Variants in OCA2 observed in about 807,000 individuals in gnomAD.
OCA2 encodes the protein OCA2 melanosomal transmembrane protein.
Under a neutral mutation model 100.2 loss-of-function variants are expected in OCA2, and 77 were observed. The ratio of observed to expected loss-of-function variants is 0.77; its 90% CI spans 0.64 to 0.93. The LOEUF (loss-of-function observed/expected upper bound fraction) is 0.93. Ranked by LOEUF, OCA2 falls within the 40% of genes least tolerant of loss-of-function variation. The pLI is 0.00. For synonymous variants in OCA2, 432 were observed against 439.2 expected (o/e 0.98, Z 0.21); for missense variants, 1,062 against 1,089.1 (o/e 0.98, Z 0.35).
At chr15:27,993,389 C>A (rs1488788292) in intron 9 of OCA2, among the ~76,000 whole-genome samples, 3 of 152,142 alleles carry the variant, frequency 2.0e-5, no homozygotes, top group Admixed American at 6.5e-5. Flanking sequence ...AGGATACAGA[C>A]CAGCATTTTC....
the OCA2 span, among the ~76,000 whole-genome samples, chr15:27,745,974 G>A: frequency 9.9e-5 from 15 of 152,148 alleles, no homozygotes; most frequent in Non-Finnish European, 1.8e-4. Flanking sequence ...CACCTTACAC[G>A]TATTGCTTGA....
chr15:27,954,325 T>C (rs1454967677), intron 17 of OCA2, among the ~76,000 whole-genome samples: 1 of 152,220 alleles, frequency 6.6e-6, no homozygotes, highest in East Asian at 1.9e-4. Context: ...GCATAATCTG[T>C]ATGAACTTGG....
chr15:27,989,742 C>A (rs1474528006), intron 10 of OCA2, 76 bp from the exon 11 acceptor site: 1 of 1,333,198 alleles, frequency 7.5e-7, no homozygotes, highest in East Asian at 2.4e-5. Flanking sequence ...AGCGCTGCCC[C>A]CTGCTGCAGA....
rs868649504 is a variant in OCA2, at chr15:28,052,226, A to C, written c.228-20063T>G. Among the ~76,000 whole-genome samples the C allele has an allele frequency of 2.0e-5, 3 of 152,190 alleles. No homozygotes were observed. In the South Asian group the frequency reaches 6.2e-4, roughly 31 times the overall value. The stretch of plus-strand genomic sequence containing the variant: ...TCAAGCACCAAAACTCCCCCTTGTG[A>C]ATCGAGAGTCCAAGTTTGCCACAGG... On this transcript the variant is annotated intron_variant, in intron 2 of 23. Coordinates refer to ENST00000354638, the MANE Select transcript of OCA2 (RefSeq NM_000275.3).
intron 2 of OCA2, among the ~76,000 whole-genome samples, chr15:28,035,121 C>T (rs188673789): frequency 3.3e-5 from 5 of 152,182 alleles, no homozygotes; most frequent in Admixed American, 2.6e-4. Flanking sequence ...GGGAAAAATC[C>T]AAAGTCCATT....
At chr15:27,945,938 A>G (rs2039816881) in intron 18 of OCA2, among the ~76,000 whole-genome samples, 1 of 152,208 alleles carries the variant, frequency 6.6e-6, no homozygotes, top group South Asian at 2.1e-4. Flanking sequence ...CACAATCTTG[A>G]AACCCTAATT....
In OCA2 at chr15:27,957,608, C is replaced by G. The variant is rs2040267823; in HGVS notation, c.1764G>C (p.Arg588=). The G allele has an allele frequency of 2.5e-6, 4 of 1,612,624 alleles. No individual in the cohort carries two copies. In the South Asian group the frequency reaches 3.3e-5, roughly 13 times the overall value. The change falls in exon 16 of 24, where the codon CGG becomes CGC. Residue 588 remains arginine (R), a synonymous_variant. Coordinates refer to ENST00000354638, the MANE Select transcript of OCA2 (RefSeq NM_000275.3). The surrounding 1 kb of genome is among the most constrained non-coding windows in gnomAD (Gnocchi z 4.3). The part of the protein sequence containing the change: ...KVLALEHLLA[R]RLHTFHRQIS... ...GGTACCTGTGGAAGGTGTGCAGCCT[C>G]CGGGCGAGCAGGTGCTCCAGTGCCA...
chr15:27,780,920 A>G (rs1489658038), intron 23 of OCA2, among the ~76,000 whole-genome samples: 1 of 152,118 alleles, frequency 6.6e-6, no homozygotes, highest in Non-Finnish European at 1.5e-5. Flanking sequence ...AATTATGAGG[A>G]AAAAAAAGCT....
intron 14 of OCA2, among the ~76,000 whole-genome samples, chr15:27,971,089 C>A (rs2040770731): frequency 6.6e-6 from 1 of 151,400 alleles, no homozygotes; most frequent in Non-Finnish European, 1.5e-5. Flanking sequence ...AACGCCCCAG[C>A]ATGCCCGGCA....
intron 19 of OCA2, among the ~76,000 whole-genome samples, chr15:27,872,979 C>T (rs937717295): frequency 6.6e-6 from 1 of 152,074 alleles, no homozygotes; most frequent in African/African-American, 2.4e-5. Context: ...CGTGAGCCAA[C>T]GTGCCGGCCA....
chr15:27,985,838 G>A (rs564844324), intron 12 of OCA2, among the ~76,000 whole-genome samples: 101 of 151,994 alleles, frequency 6.6e-4, no homozygotes, highest in African/African-American at 2.3e-3. Flanking sequence ...GATTACAGGC[G>A]TGTGCTACCA....
intron 2 of OCA2, among the ~76,000 whole-genome samples, chr15:28,047,268 C>G (rs1460537511): frequency 6.6e-6 from 1 of 152,176 alleles, no homozygotes; most frequent in African/African-American, 2.4e-5. Context: ...TCCAGAGACT[C>G]TGATTCAGAA....
At chr15:27,897,087 G>C (rs2151627317) in intron 19 of OCA2, among the ~76,000 whole-genome samples, 1 of 152,082 alleles carries the variant, frequency 6.6e-6, no homozygotes, top group East Asian at 1.9e-4. Context: ...CTACTCGGGA[G>C]GCTGAGACAG....
chr15:27,923,972 C>A (rs2038956989), intron 19 of OCA2, among the ~76,000 whole-genome samples: 1 of 152,146 alleles, frequency 6.6e-6, no homozygotes, highest in African/African-American at 2.4e-5. Flanking sequence ...AGATTGTCTT[C>A]CAGGGTTTTA....
At chr15:27,917,709 G>A (rs939394105) in intron 19 of OCA2, among the ~76,000 whole-genome samples, 8 of 152,172 alleles carry the variant, frequency 5.3e-5, no homozygotes, top group Admixed American at 4.6e-4. Flanking sequence ...ATGAGTGGGA[G>A]CAAAATGAAC....
chr15:27,739,574 T>G, the OCA2 span, among the ~76,000 whole-genome samples: 1 of 150,428 alleles, frequency 6.6e-6, no homozygotes, highest in African/African-American at 2.5e-5. Context: ...GCCTCCCGAG[T>G]AGCTGGAACT....
At chr15:27,825,469 G>T (rs575773182) in intron 23 of OCA2, among the ~76,000 whole-genome samples, 66 of 152,308 alleles carry the variant, frequency 4.3e-4, no homozygotes, top group African/African-American at 1.5e-3. Flanking sequence ...AGGGAGGCAG[G>T]GAAGCGGCCC....
the OCA2 span, among the ~76,000 whole-genome samples, chr15:27,735,550 C>T: frequency 3.3e-5 from 5 of 151,810 alleles, no homozygotes; most frequent in Non-Finnish European, 2.9e-5. Context: ...GCAAGACAAA[C>T]CCAGGACATA....
At position 27,949,229 on chromosome 15, in the gene OCA2, T is replaced by C. The variant is rs200271863; in HGVS notation, c.1951+2555A>G. Reference sequence around the variant, plus strand: ...TATGTTATATGAAATTACATTGTTATAATGTCACGTAGTGTACAGTGTGTG... The same window carrying C: ...TATGTTATATGAAATTACATTGTTACAATGTCACGTAGTGTACAGTGTGTG... On this transcript the variant is annotated intron_variant, in intron 18 of 23. Transcript: ENST00000354638. Among the ~76,000 whole-genome samples, 15 of 152,368 alleles carry C rather than the reference T, an allele frequency of 9.8e-5. No individual in the cohort carries two copies. The East Asian group carries it at 2.7e-3, about 27-fold the overall frequency.
Sources: gnomAD v4.1 joint callset for allele counts (sites outside exome capture counted in the v4.1 genomes callset) on GRCh38, gnomAD v4.1.1 for gene constraint, Gnocchi (gnomAD v3.1) non-coding constraint, MANE v1.5 for transcripts, NCBI Gene and HGNC (gene_info 2026-07-23, HGNC 2026-07-21) for gene names.